PRKCE: variants seen among roughly 807,000 people sequenced by gnomAD.
PRKCE encodes protein kinase C epsilon.
Under a neutral mutation model 85.4 loss-of-function variants are expected in PRKCE, and 16 were observed. The ratio of observed to expected loss-of-function variants is 0.19; its 90% CI spans 0.13 to 0.28. The LOEUF (loss-of-function observed/expected upper bound fraction) is 0.28, where lower values mean the gene tolerates loss of function less well. Among genes scored for constraint, PRKCE ranks in the 10% least tolerant of loss-of-function variants. The probability of loss-of-function intolerance (pLI) is 1.00; values close to 1 mark genes in which losing one functional copy is unlikely to be tolerated. For missense variants in PRKCE, 573 were observed against 975.2 expected, an observed-to-expected ratio of 0.59 and a Z score of 5.49; for synonymous variants, 388 against 371.5, an observed-to-expected ratio of 1.04 and a Z score of -0.51.
In PRKCE at chr2:46,043,894, C is replaced by G. The variant is rs575103966; in HGVS notation, c.1437+33377C>G. Among the ~76,000 whole-genome samples the G allele has an allele frequency of 1.1e-3, 171 of 152,246 alleles. 1 individual carries two copies. The highest frequency in any genetic ancestry group is 4.0e-3 in the African/African-American group (167 of 41,550). On this transcript the variant is annotated intron_variant, in intron 10 of 14. Coordinates refer to ENST00000306156, the MANE Select transcript of PRKCE (RefSeq NM_005400.3). ...GTCTCCTATTTATTTTTGTGGCAAC[C>G]ATCTCAAAGCGGATGCCGAATTCTG...
At chr2:45,767,427 A>G (rs1453490795) in intron 1 of PRKCE, among the ~76,000 whole-genome samples, 3 of 152,234 alleles carry the variant, frequency 2.0e-5, no homozygotes, top group African/African-American at 7.2e-5. Flanking sequence ...ATGCTTATCC[A>G]AAAGTCTTGG....
intron 2 of PRKCE, among the ~76,000 whole-genome samples, chr2:45,880,710 C>T (rs1347868211): frequency 6.6e-6 from 1 of 152,142 alleles, no homozygotes; most frequent in Non-Finnish European, 1.5e-5. Context: ...GGAAAGAATG[C>T]AGCAGAGTAT....
At chr2:45,894,808 C>G (rs1030605238) in intron 2 of PRKCE, among the ~76,000 whole-genome samples, 1 of 152,182 alleles carries the variant, frequency 6.6e-6, no homozygotes, top group Non-Finnish European at 1.5e-5. Flanking sequence ...CTGCAACCTC[C>G]GCCTCCTGGG....
intron 10 of PRKCE, among the ~76,000 whole-genome samples, chr2:46,011,571 A>G (rs1705677665): frequency 6.6e-6 from 1 of 152,068 alleles, no homozygotes; most frequent in East Asian, 1.9e-4. Flanking sequence ...ATTTCTCAGA[A>G]CCCCAATCAC....
chr2:46,129,452 G>T (rs573815340), intron 11 of PRKCE, among the ~76,000 whole-genome samples: 1 of 152,162 alleles, frequency 6.6e-6, no homozygotes, highest in Non-Finnish European at 1.5e-5. Flanking sequence ...GTTGATTGTC[G>T]CTTTCCACAC....
At chr2:45,803,443 C>T (rs1043711906) in intron 1 of PRKCE, among the ~76,000 whole-genome samples, 18 of 152,184 alleles carry the variant, frequency 1.2e-4, no homozygotes, top group African/African-American at 4.3e-4. Context: ...GGACAGTTTC[C>T]ACTCTCTTTA....
At chr2:45,748,261 A>G (rs1683291494) in intron 1 of PRKCE, among the ~76,000 whole-genome samples, 2 of 152,202 alleles carry the variant, frequency 1.3e-5, no homozygotes, top group Admixed American at 1.3e-4. Context: ...CATCATTTTC[A>G]TTTTGCAGGT....
chr2:45,920,470 G>A (rs554643350), intron 2 of PRKCE, among the ~76,000 whole-genome samples: 1 of 152,294 alleles, frequency 6.6e-6, no homozygotes, highest in South Asian at 2.1e-4. Flanking sequence ...TCATAGCAGT[G>A]TTATTCATAA....
intron 1 of PRKCE, among the ~76,000 whole-genome samples, chr2:45,743,991 T>TG (rs1432133858): frequency 1.9e-5 from 1 of 53,776 alleles, no homozygotes; most frequent in African/African-American, 6.5e-5. Flanking sequence ...TTGGCCGTTG[T>TG]GTGTTTTTTT....
intron 2 of PRKCE, among the ~76,000 whole-genome samples, chr2:45,949,773 T>G (rs1254393494): frequency 6.6e-6 from 1 of 152,136 alleles, no homozygotes. Flanking sequence ...CTCTTGAACC[T>G]CCTGTTTCTC....
At chr2:45,900,931 T>C (rs1265053068) in intron 2 of PRKCE, among the ~76,000 whole-genome samples, 1 of 152,162 alleles carries the variant, frequency 6.6e-6, no homozygotes, top group African/African-American at 2.4e-5. Context: ...AATACACACT[T>C]AACAAATGAG....
At chr2:46,097,433 T>C (rs111645969) in intron 11 of PRKCE, among the ~76,000 whole-genome samples, 21,035 of 148,636 alleles carry the variant, frequency 0.14, 1,589 homozygotes, top group Middle Eastern at 0.23. Context: ...GGCAGGAGAA[T>C]GGCGTGAACC....
intron 10 of PRKCE, among the ~76,000 whole-genome samples, chr2:46,029,086 G>A (rs1009316818): frequency 4.6e-5 from 7 of 152,092 alleles, no homozygotes; most frequent in Admixed American, 6.5e-5. Context: ...TTGATTCCAC[G>A]TCTTTGTTAT....
chr2:45,694,849 G>C (rs962664586), intron 1 of PRKCE, among the ~76,000 whole-genome samples: 6 of 152,146 alleles, frequency 3.9e-5, no homozygotes, highest in African/African-American at 1.2e-4. Context: ...AAATGTGGAG[G>C]GTTTTAAATA....
chr2:46,134,263 G>A (rs1158792203), intron 11 of PRKCE, among the ~76,000 whole-genome samples: 1 of 152,186 alleles, frequency 6.6e-6, no homozygotes, highest in Non-Finnish European at 1.5e-5. Context: ...TGGAGACCCT[G>A]CCCTCATGGA....
chr2:45,875,055 C>A (rs1193120562), intron 2 of PRKCE, among the ~76,000 whole-genome samples: 1 of 152,008 alleles, frequency 6.6e-6, no homozygotes, highest in Non-Finnish European at 1.5e-5. Context: ...CACATGCATG[C>A]AGGACCCCAC....
chr2:45,776,035 T>A (rs916439394), intron 1 of PRKCE, among the ~76,000 whole-genome samples: 4 of 152,186 alleles, frequency 2.6e-5, no homozygotes, highest in African/African-American at 9.7e-5. Flanking sequence ...AATACTCTAC[T>A]TAAAACCGCA....
chr2:45,803,724 A>G (rs913994841), intron 1 of PRKCE, among the ~76,000 whole-genome samples: 2 of 152,214 alleles, frequency 1.3e-5, no homozygotes, highest in African/African-American at 2.4e-5. Context: ...GTTATGCTCA[A>G]TTTAGGTCAA....
chr2:45,955,412 G>C (rs188806460), intron 2 of PRKCE, among the ~76,000 whole-genome samples: 1 of 152,290 alleles, frequency 6.6e-6, no homozygotes, highest in East Asian at 1.9e-4. Flanking sequence ...TAGCATAAAA[G>C]TAGAACCAGA....
Sources: allele counts gnomAD v4.1 joint callset (sites outside exome capture counted in the v4.1 genomes callset), GRCh38; gene constraint gnomAD v4.1.1; transcripts MANE v1.5; gene names NCBI Gene and HGNC (gene_info 2026-07-23, HGNC 2026-07-21).